RPS6KC1: variants seen among roughly 807,000 people sequenced by gnomAD.
RPS6KC1 encodes inactive ribosomal protein S6 kinase delta-1.
A neutral mutation model predicts 103.8 loss-of-function variants in RPS6KC1; 54 were observed. The ratio of observed to expected loss-of-function variants is 0.52; its 90% CI spans 0.42 to 0.65. The LOEUF (loss-of-function observed/expected upper bound fraction) is 0.65. Ranked by LOEUF, RPS6KC1 falls within the 30% of genes least tolerant of loss-of-function variation. RPS6KC1 has a pLI of 0.00. For synonymous variants in RPS6KC1, 439 were observed against 438.7 expected, an observed-to-expected ratio of 1.00 and a Z score of -0.01; for missense variants, 1,151 against 1,253.8, an observed-to-expected ratio of 0.92 and a Z score of 1.24.
the RPS6KC1 span, among the ~76,000 whole-genome samples, chr1:213,421,089 T>C: frequency 6.6e-6 from 1 of 152,190 alleles, no homozygotes; most frequent in South Asian, 2.1e-4. Flanking sequence ...TTTGAGGTAC[T>C]AGGGGTTAGG....
At chr1:213,408,995 G>C in the RPS6KC1 span, among the ~76,000 whole-genome samples, 2 of 152,126 alleles carry the variant, frequency 1.3e-5, no homozygotes, top group Non-Finnish European at 2.9e-5. Context: ...GTCTTCCTCT[G>C]CTCAAGAGGT....
chr1:213,478,465 C>T, the RPS6KC1 span, among the ~76,000 whole-genome samples: 1 of 152,132 alleles, frequency 6.6e-6, no homozygotes, highest in African/African-American at 2.4e-5. Flanking sequence ...CTGACTGTAC[C>T]ATTTGCATTC....
the RPS6KC1 span, among the ~76,000 whole-genome samples, chr1:213,363,732 T>TTC: frequency 6.2e-5 from 8 of 130,052 alleles, no homozygotes; most frequent in African/African-American, 2.5e-4. Context: ...CTTTCGTTCT[T>TTC]TCTTTCTCTC....
At chr1:213,822,232 C>T in the RPS6KC1 span, 1 of 152,188 alleles carries the variant, frequency 6.6e-6, no homozygotes, top group East Asian at 1.9e-4. Context: ...AGAACACAAG[C>T]TTCTGGTTTT....
chr1:213,381,220 G>T, the RPS6KC1 span, among the ~76,000 whole-genome samples: 3 of 152,186 alleles, frequency 2.0e-5, no homozygotes, highest in Non-Finnish European at 2.9e-5. Context: ...ATTTAAAATT[G>T]TGTGTGGAGG....
At chr1:213,557,490 A>T in the RPS6KC1 span, among the ~76,000 whole-genome samples, 1 of 152,058 alleles carries the variant, frequency 6.6e-6, no homozygotes, top group South Asian at 2.1e-4. Context: ...GCAGGATGGG[A>T]CCCTGGGATT....
chr1:213,584,915 G>A, the RPS6KC1 span, among the ~76,000 whole-genome samples: 1 of 152,092 alleles, frequency 6.6e-6, no homozygotes, highest in Non-Finnish European at 1.5e-5. Context: ...TTGACTGGTG[G>A]GTTCCAAATC....
At chr1:213,711,088 C>T in the RPS6KC1 span, among the ~76,000 whole-genome samples, 1 of 152,162 alleles carries the variant, frequency 6.6e-6, no homozygotes. Flanking sequence ...GCAAGTTCTC[C>T]TGGATAATAT....
At chr1:213,601,979 C>CT in the RPS6KC1 span, among the ~76,000 whole-genome samples, 174 of 38,644 alleles carry the variant, frequency 4.5e-3, 3 homozygotes, top group East Asian at 0.024. Context: ...TCCCTTCCTT[C>CT]CTCTCTCTCT....
chr1:213,181,490 A>G (rs1322652991), intron 8 of RPS6KC1, among the ~76,000 whole-genome samples: 2 of 152,222 alleles, frequency 1.3e-5, no homozygotes, highest in Non-Finnish European at 2.9e-5. Context: ...TAATTGAGAA[A>G]ATGTGTGGAA....
chr1:213,402,363 AAGT>A, the RPS6KC1 span, among the ~76,000 whole-genome samples: 1 of 152,068 alleles, frequency 6.6e-6, no homozygotes, highest in Admixed American at 6.6e-5. Flanking sequence ...TGGTACCTCT[AAGT>A]CCCAGGAAAT....
chr1:213,593,936 G>T, the RPS6KC1 span, among the ~76,000 whole-genome samples: 1,000 of 152,242 alleles, frequency 6.6e-3, 18 homozygotes, highest in African/African-American at 0.023. Context: ...TGAGATCTTG[G>T]CTCACTGCAA....
chr1:213,648,219 A>T, the RPS6KC1 span, among the ~76,000 whole-genome samples: 1 of 152,188 alleles, frequency 6.6e-6, no homozygotes, highest in Non-Finnish European at 1.5e-5. Flanking sequence ...ACTATCCCAC[A>T]GCAGCCTGTG....
chr1:213,738,438 C>A, the RPS6KC1 span, among the ~76,000 whole-genome samples: 1 of 151,988 alleles, frequency 6.6e-6, no homozygotes, highest in South Asian at 2.1e-4. Context: ...ACTGATGAGG[C>A]GGAGTTTAGA....
the RPS6KC1 span, among the ~76,000 whole-genome samples, chr1:213,362,621 G>A: frequency 1.3e-5 from 2 of 152,156 alleles, no homozygotes; most frequent in Admixed American, 6.5e-5. Flanking sequence ...CATATATATC[G>A]TTAAGTCCTG....
At chr1:213,607,080 G>A in the RPS6KC1 span, among the ~76,000 whole-genome samples, 1 of 152,178 alleles carries the variant, frequency 6.6e-6, no homozygotes, top group Admixed American at 6.5e-5. Context: ...CATTTCCTGA[G>A]TATGTCTTAC....
the RPS6KC1 span, among the ~76,000 whole-genome samples, chr1:213,712,588 G>A: frequency 1.3e-5 from 2 of 152,200 alleles, no homozygotes; most frequent in African/African-American, 2.4e-5. Flanking sequence ...AGCTAGCTTG[G>A]TGTCTGCCCA....
intron 4 of RPS6KC1, among the ~76,000 whole-genome samples, chr1:213,112,741 A>G (rs143005205): frequency 6.7e-6 from 1 of 150,152 alleles, no homozygotes; most frequent in South Asian, 2.1e-4. Flanking sequence ...CAGTCCCCAG[A>G]GTGTGATGTT....
the RPS6KC1 span, among the ~76,000 whole-genome samples, chr1:213,531,632 C>T: frequency 8.5e-5 from 13 of 152,158 alleles, no homozygotes; most frequent in South Asian, 4.1e-4. Context: ...GACAGCTGGA[C>T]GAGCAAGGAA....
Sources: allele counts gnomAD v4.1 joint callset (sites outside exome capture counted in the v4.1 genomes callset), GRCh38; gene constraint gnomAD v4.1.1; transcripts MANE v1.5; gene names NCBI Gene and HGNC (gene_info 2026-07-23, HGNC 2026-07-21).